The following DCC variants were observed in gnomAD, a reference collection of about 807,000 sequenced individuals.
DCC encodes DCC netrin 1 receptor, also known as netrin receptor DCC.
Under a neutral mutation model 172.5 loss-of-function variants are expected in DCC, and 58 were observed. That is an observed-to-expected ratio of 0.34 (90% CI 0.27 to 0.42). The LOEUF is 0.42. Among genes scored for constraint, DCC ranks in the 10% least tolerant of loss-of-function variants. The pLI is 1.00. For synonymous variants in DCC, 709 were observed against 644.5 expected (o/e 1.10, Z -1.52); for missense variants, 1,740 against 1,791.0 (o/e 0.97, Z 0.51).
intron 1 of DCC, among the ~76,000 whole-genome samples, chr18:52,648,311 C>T (rs1029489333): frequency 2.6e-5 from 4 of 152,334 alleles, no homozygotes; most frequent in East Asian, 1.9e-4. Flanking sequence ...TTCCCCTCAA[C>T]GTGAGAACCA....
chr18:52,856,642 A>AC (rs1211022287), intron 2 of DCC, among the ~76,000 whole-genome samples: 7 of 151,144 alleles, frequency 4.6e-5, no homozygotes, highest in Admixed American at 4.6e-4. Flanking sequence ...AAAAAAAAAA[A>AC]AGAAAACAAA....
At chr18:52,580,495 C>T (rs2033519910) in intron 1 of DCC, among the ~76,000 whole-genome samples, 1 of 152,188 alleles carries the variant, frequency 6.6e-6, no homozygotes, top group Non-Finnish European at 1.5e-5. Context: ...AACCTCGCCA[C>T]AGGGACCCAG....
intron 1 of DCC, among the ~76,000 whole-genome samples, chr18:52,361,638 C>T (rs1018530915): frequency 5.9e-5 from 9 of 152,204 alleles, no homozygotes; most frequent in Non-Finnish European, 1.3e-4. Flanking sequence ...ACCTCCATAT[C>T]ACATGAGAGC....
At chr18:53,453,170 C>T (rs1411223225) in intron 23 of DCC, among the ~76,000 whole-genome samples, 4 of 152,176 alleles carry the variant, frequency 2.6e-5, no homozygotes, top group South Asian at 4.1e-4. Context: ...CCGCCTCAGC[C>T]TCCCAAAGTG....
rs139055812 is a variant in DCC at position 52,610,889 on chromosome 18, G to C, written c.92-141165G>C. 1.5e-3 allele frequency among the ~76,000 whole-genome samples: 225 copies of C among 152,154 alleles called. 1 individual carries two copies. The highest frequency in any genetic ancestry group is 5.3e-3 in the African/African-American group (218 of 41,502). ...TCAGTGCATAGCTATATGAAAACAGGTGGTGGGCTAGATTTTCCCCAAAGG... is the reference window on the plus strand; with the variant it reads ...TCAGTGCATAGCTATATGAAAACAGCTGGTGGGCTAGATTTTCCCCAAAGG... On this transcript the variant is annotated intron_variant, in intron 1 of 28. Transcript: ENST00000442544.
At chr18:53,470,676 G>A (rs558027710) in intron 25 of DCC, among the ~76,000 whole-genome samples, 63 of 152,162 alleles carry the variant, frequency 4.1e-4, no homozygotes, top group African/African-American at 1.3e-3. Context: ...GAATCATGGC[G>A]GAAGGTGAAG....
intron 26 of DCC, among the ~76,000 whole-genome samples, chr18:53,487,926 A>G (rs1250946680): frequency 6.6e-6 from 1 of 152,214 alleles, no homozygotes. Context: ...AAAATTTTCA[A>G]ATCCCAAGAC....
In DCC at chr18:52,924,009, T is replaced by A. The variant is rs894239212; in HGVS notation, c.848+152T>A. 4 of 682,412 alleles carry A rather than the reference T, an allele frequency of 5.9e-6. No individual in the cohort carries two copies. The East Asian group carries it at 1.1e-4, about 19-fold the overall frequency. The allele number at this position is 682,412 out of a possible 1,614,324, so 42.3% of individuals were successfully genotyped here. ...CACATTTCTTGGCATGATACAGTTATATGAAAGATATTTAGCCACTGGGAT... is the reference window on the plus strand; with the variant it reads ...CACATTTCTTGGCATGATACAGTTAAATGAAAGATATTTAGCCACTGGGAT... On this transcript the variant is annotated intron_variant, in intron 4 of 28. Transcript: ENST00000442544.
In DCC at chr18:53,206,833, G is replaced by C. The variant is rs561860528; in HGVS notation, c.1723-846G>C. 3.5e-4 allele frequency among the ~76,000 whole-genome samples: 53 copies of C among 151,188 alleles called. No individual in the cohort carries two copies. In the South Asian group the frequency reaches 4.4e-3, roughly 13 times the overall value. ...TGTGAAGCTTGTCAAGCATAGAAAG[G>C]CCTTCCTGCTTTCACATAAACTGCA... On this transcript the variant is annotated intron_variant, in intron 10 of 28. Coordinates refer to ENST00000442544, the MANE Select transcript of DCC (RefSeq NM_005215.4).
intron 27 of DCC, among the ~76,000 whole-genome samples, chr18:53,507,616 T>C (rs2046197175): frequency 6.6e-6 from 1 of 152,198 alleles, no homozygotes; most frequent in East Asian, 1.9e-4. Context: ...GCCTTTATCT[T>C]CTGTGGTAAA....
rs190688869 is a variant in DCC at position 53,456,057 on chromosome 18, A to G, written c.3393-3175A>G. On this transcript the variant is annotated intron_variant, in intron 23 of 28. Coordinates refer to ENST00000442544, the MANE Select transcript of DCC (RefSeq NM_005215.4). ...GAATTATCACAAAGGGAGCAGCTGG[A>G]CAGCTCAATAAGACACACGGTGATC... is the stretch of plus-strand genomic sequence containing the variant. 6.6e-4 allele frequency among the ~76,000 whole-genome samples: 100 copies of G among 152,348 alleles called. 1 individual carries two copies. Among genetic ancestry groups the G allele is most frequent in the African/African-American group, 2.2e-3 (93 of 41,594 alleles).
intron 13 of DCC, among the ~76,000 whole-genome samples, chr18:53,310,914 A>G (rs552189298): frequency 8.6e-5 from 13 of 151,888 alleles, no homozygotes; most frequent in African/African-American, 2.7e-4. Flanking sequence ...CAACAACTGA[A>G]TTTTTTACAG....
chr18:52,396,653 TC>T (rs1364814314), intron 1 of DCC, among the ~76,000 whole-genome samples: 1 of 152,102 alleles, frequency 6.6e-6, no homozygotes, highest in Non-Finnish European at 1.5e-5. Flanking sequence ...CAGAGCAGGT[TC>T]CTTTTTATAT....
intron 9 of DCC, among the ~76,000 whole-genome samples, chr18:53,192,578 C>A (rs2055382026): frequency 6.6e-6 from 1 of 151,940 alleles, no homozygotes; most frequent in Non-Finnish European, 1.5e-5. Flanking sequence ...AGCTGACTAT[C>A]AATCAATAGA....
At chr18:52,719,469 C>T (rs1216587865) in intron 1 of DCC, among the ~76,000 whole-genome samples, 1 of 152,110 alleles carries the variant, frequency 6.6e-6, no homozygotes, top group African/African-American at 2.4e-5. Context: ...CACGTCCATT[C>T]GTTCAGTGAA....
At chr18:52,952,184 G>A (rs1484970503) in intron 5 of DCC, among the ~76,000 whole-genome samples, 1 of 151,770 alleles carries the variant, frequency 6.6e-6, no homozygotes, top group Non-Finnish European at 1.5e-5. Context: ...GCCTTAAATT[G>A]TCCGTGTCCT....
chr18:52,860,431 C>T (rs908660715), intron 2 of DCC, among the ~76,000 whole-genome samples: 1 of 152,128 alleles, frequency 6.6e-6, no homozygotes, highest in African/African-American at 2.4e-5. Flanking sequence ...TTAGTTTGGA[C>T]ACTTGTAGCC....
intron 1 of DCC, among the ~76,000 whole-genome samples, chr18:52,685,810 C>T (rs369825106): frequency 6.6e-6 from 1 of 152,094 alleles, no homozygotes; most frequent in Non-Finnish European, 1.5e-5. Context: ...ATTAGAAAAG[C>T]TCCCTGTATT....
intron 1 of DCC, among the ~76,000 whole-genome samples, chr18:52,540,628 A>G (rs1179488066): frequency 1.6e-4 from 6 of 38,296 alleles, no homozygotes; most frequent in African/African-American, 7.1e-4. Context: ...TTTTTTTGAG[A>G]CTGAGTCTTG....
Sources: gnomAD v4.1 joint callset for allele counts (sites outside exome capture counted in the v4.1 genomes callset) on GRCh38, gnomAD v4.1.1 for gene constraint, MANE v1.5 for transcripts, NCBI Gene and HGNC (gene_info 2026-07-23, HGNC 2026-07-21) for gene names.